RBFOX1: variants seen among roughly 807,000 people sequenced by gnomAD.
The protein encoded by RBFOX1 is RNA binding protein fox-1 homolog 1.
A neutral mutation model predicts 57.7 loss-of-function variants in RBFOX1; 8 were observed. The observed-to-expected ratio is 0.14, with a 90% CI of 0.08 to 0.25. The LOEUF (loss-of-function observed/expected upper bound fraction) is 0.25. RBFOX1 is among the 10% of genes least tolerant of loss of function. The probability of loss-of-function intolerance (pLI) is 1.00; values close to 1 mark genes in which losing one functional copy is unlikely to be tolerated. For synonymous variants in RBFOX1, 326 were observed against 222.4 expected (o/e 1.47, Z -4.15); for missense variants, 611 against 548.5 (o/e 1.11, Z -1.14).
intron 4 of RBFOX1, among the ~76,000 whole-genome samples, chr16:7,277,847 G>T (rs1488804751): frequency 6.6e-6 from 1 of 151,938 alleles, no homozygotes; most frequent in African/African-American, 2.4e-5. Context: ...GTCAGTGTTT[G>T]AGAACACTTT....
chr16:6,537,338 C>T (rs978337247), intron 2 of RBFOX1, among the ~76,000 whole-genome samples: 1 of 152,168 alleles, frequency 6.6e-6, no homozygotes, highest in Non-Finnish European at 1.5e-5. Context: ...AATAGAATTG[C>T]ATCCAGAGGA....
At chr16:5,859,503 G>C (rs889083180) in intron 3 of RBFOX1, among the ~76,000 whole-genome samples, 2 of 152,160 alleles carry the variant, frequency 1.3e-5, no homozygotes, top group African/African-American at 4.8e-5. Context: ...TAAAGATCAG[G>C]CATTTTTGTC....
At chr16:6,769,557 G>C (rs2077953153) in intron 3 of RBFOX1, among the ~76,000 whole-genome samples, 1 of 152,232 alleles carries the variant, frequency 6.6e-6, no homozygotes, top group East Asian at 1.9e-4. Context: ...TCCTGTTTTT[G>C]CCTATTCGTG....
At chr16:7,299,702 A>T (rs963132525) in intron 4 of RBFOX1, among the ~76,000 whole-genome samples, 5 of 152,188 alleles carry the variant, frequency 3.3e-5, no homozygotes, top group Non-Finnish European at 7.3e-5. Context: ...AGGGACCATC[A>T]GGGGTTGAGA....
At chr16:6,662,646 G>C (rs1022072250) in intron 3 of RBFOX1, among the ~76,000 whole-genome samples, 1 of 151,484 alleles carries the variant, frequency 6.6e-6, no homozygotes, top group Non-Finnish European at 1.5e-5. Flanking sequence ...TAATTTGGTG[G>C]TTGGTTAAAA....
chr16:7,228,409 A>C (rs1228358108), intron 4 of RBFOX1, among the ~76,000 whole-genome samples: 1 of 152,208 alleles, frequency 6.6e-6, no homozygotes, highest in African/African-American at 2.4e-5. Context: ...TGCTTAATGA[A>C]AACCTAAATC....
intron 2 of RBFOX1, among the ~76,000 whole-genome samples, chr16:6,357,760 C>A (rs571615011): frequency 2.0e-5 from 3 of 151,800 alleles, no homozygotes; most frequent in Admixed American, 1.3e-4. Flanking sequence ...ACCAGCCTGG[C>A]GAACATCGTG....
At chr16:7,175,997 T>C (rs1419052232) in intron 4 of RBFOX1, among the ~76,000 whole-genome samples, 1 of 152,004 alleles carries the variant, frequency 6.6e-6, no homozygotes, top group African/African-American at 2.4e-5. Context: ...GGTGCGTGCT[T>C]AGCAGCCATC....
intron 1 of RBFOX1, among the ~76,000 whole-genome samples, chr16:5,271,241 C>T (rs1385591327): frequency 6.6e-6 from 1 of 152,038 alleles, no homozygotes; most frequent in Non-Finnish European, 1.5e-5. Context: ...GTAGTCTCAG[C>T]TACTCTGAAG....
At chr16:6,568,899 A>G (rs563086958) in intron 2 of RBFOX1, among the ~76,000 whole-genome samples, 1 of 152,198 alleles carries the variant, frequency 6.6e-6, no homozygotes, top group Non-Finnish European at 1.5e-5. Context: ...ACTGCCCCCA[A>G]GTAGCTGGGA....
chr16:6,853,646 A>G (rs188606768), intron 3 of RBFOX1, among the ~76,000 whole-genome samples: 42 of 152,310 alleles, frequency 2.8e-4, no homozygotes, highest in African/African-American at 9.1e-4. Flanking sequence ...CCCATAGTAA[A>G]TGCTCTCAGC....
intron 1 of RBFOX1, among the ~76,000 whole-genome samples, chr16:6,035,771 A>G (rs772445596): frequency 6.6e-6 from 1 of 152,168 alleles, no homozygotes; most frequent in Non-Finnish European, 1.5e-5. Context: ...ATGTGAAATG[A>G]AATGTATTTG....
At chr16:7,540,259 G>T (rs1051956207) in intron 5 of RBFOX1, among the ~76,000 whole-genome samples, 1 of 152,098 alleles carries the variant, frequency 6.6e-6, no homozygotes, top group African/African-American at 2.4e-5. Context: ...TCCCTCGCTG[G>T]AAACTCCTTG....
At chr16:7,624,084 G>A (rs967090888) in intron 10 of RBFOX1, among the ~76,000 whole-genome samples, 1 of 152,186 alleles carries the variant, frequency 6.6e-6, no homozygotes, top group Non-Finnish European at 1.5e-5. Flanking sequence ...GGTTGGTAAG[G>A]TTTTTGGTAA....
chr16:7,392,165 C>T (rs1355318131), intron 4 of RBFOX1, among the ~76,000 whole-genome samples: 1 of 152,174 alleles, frequency 6.6e-6, no homozygotes, highest in Non-Finnish European at 1.5e-5. Flanking sequence ...TTTATTCTGC[C>T]TCTTCAAACA....
intron 1 of RBFOX1, among the ~76,000 whole-genome samples, chr16:6,068,529 T>A (rs12926934): frequency 0.36 from 55,326 of 151,790 alleles, 10,223 homozygotes; most frequent in Non-Finnish European, 0.41. Flanking sequence ...GTTGTGAAGA[T>A]ACTCCCCAGG....
intron 9 of RBFOX1, among the ~76,000 whole-genome samples, chr16:7,602,045 C>G (rs1324654213): frequency 6.6e-6 from 1 of 152,110 alleles, no homozygotes; most frequent in Non-Finnish European, 1.5e-5. Flanking sequence ...TTTTGTAATT[C>G]CTGTAGCGTA....
intron 2 of RBFOX1, among the ~76,000 whole-genome samples, chr16:5,584,632 G>A (rs1308802697): frequency 6.6e-6 from 1 of 152,174 alleles, no homozygotes; most frequent in Non-Finnish European, 1.5e-5. Flanking sequence ...TCTCCTGAGT[G>A]TGGTTACCCT....
intron 3 of RBFOX1, among the ~76,000 whole-genome samples, chr16:6,962,154 CCTTT>C (rs1598468854): frequency 6.6e-6 from 1 of 152,150 alleles, no homozygotes; most frequent in East Asian, 1.9e-4. Flanking sequence ...GAGAATCCCT[CCTTT>C]CTACTTCCAA....
Sources: allele counts gnomAD v4.1 joint callset (sites outside exome capture counted in the v4.1 genomes callset), GRCh38; gene constraint gnomAD v4.1.1; transcripts MANE v1.5; gene names NCBI Gene and HGNC (gene_info 2026-07-23, HGNC 2026-07-21).